The following SORCS2 variants were observed in gnomAD, a reference collection of about 807,000 sequenced individuals.
SORCS2 encodes the protein sortilin related VPS10 domain containing receptor 2, also known as VPS10 domain-containing receptor SorCS2.
In SORCS2, 100 loss-of-function variants were observed where a neutral mutation model predicts 141.6. The observed-to-expected ratio is 0.71, with a 90% CI of 0.60 to 0.83. SORCS2 has a LOEUF of 0.83. Ranked by LOEUF, SORCS2 falls within the 40% of genes least tolerant of loss-of-function variation. SORCS2 has a pLI of 0.00. For missense variants in SORCS2, 1,646 were observed against 1,560.2 expected (o/e 1.05, Z -0.93); for synonymous variants, 789 against 676.9 (o/e 1.17, Z -2.57).
At chr4:7,586,421 C>T (rs1474227038) in intron 3 of SORCS2, among the ~76,000 whole-genome samples, 2 of 152,170 alleles carry the variant, frequency 1.3e-5, no homozygotes, top group Non-Finnish European at 2.9e-5. Context: ...CACAGATGAA[C>T]CCATCACCCA....
intron 2 of SORCS2, among the ~76,000 whole-genome samples, chr4:7,435,541 A>G (rs1232241961): frequency 6.6e-6 from 1 of 152,358 alleles, no homozygotes; most frequent in East Asian, 1.9e-4. Flanking sequence ...GCCACACCGC[A>G]AAAGCCACTT....
intron 5 of SORCS2, among the ~76,000 whole-genome samples, chr4:7,658,676 G>A (rs1286128429): frequency 6.6e-6 from 1 of 152,194 alleles, no homozygotes; most frequent in African/African-American, 2.4e-5. Context: ...ACATATGTGG[G>A]GTCTGTGCCA....
chr4:7,433,624 A>T (rs1204803908), intron 2 of SORCS2: 2 of 1,611,372 alleles, frequency 1.2e-6, no homozygotes, highest in Non-Finnish European at 1.7e-6. Flanking sequence ...GGCCACCAGG[A>T]TGTCTCGCTT....
intron 19 of SORCS2, among the ~76,000 whole-genome samples, 190 bp downstream of exon 19, chr4:7,724,073 C>A (rs1726793364): frequency 6.6e-6 from 1 of 151,306 alleles, no homozygotes; most frequent in African/African-American, 2.4e-5. Context: ...AATAGTAGGG[C>A]AGAGCTGGTA....
chr4:7,560,663 G>C (rs1189475191), intron 3 of SORCS2, among the ~76,000 whole-genome samples: 1 of 152,122 alleles, frequency 6.6e-6, no homozygotes, highest in African/African-American at 2.4e-5. Context: ...TGGGTACATG[G>C]GGCTCAGATG....
At chr4:7,620,828 G>A (rs977758067) in intron 3 of SORCS2, among the ~76,000 whole-genome samples, 1 of 152,206 alleles carries the variant, frequency 6.6e-6, no homozygotes, top group Non-Finnish European at 1.5e-5. Context: ...GGTCTCCCCT[G>A]CACTCAGGGC....
chr4:7,434,264 C>T lies in SORCS2; in HGVS notation c.548+37909C>T, dbSNP rs777470605. The T allele has an allele frequency of 8.3e-5, 134 of 1,613,192 alleles. No individual in the cohort carries two copies. Among genetic ancestry groups the T allele is most frequent in the Non-Finnish European group, 8.9e-5 (105 of 1,179,838 alleles). On this transcript the variant is annotated intron_variant, in intron 2 of 26. Transcript: ENST00000507866. ...TCACACTGCTCCTGGATGTTCAAGT[C>T]GGCCAAGGTCAAGTTGGACCGGACA...
intron 8 of SORCS2, among the ~76,000 whole-genome samples, chr4:7,674,466 G>A (rs924487029): frequency 2.8e-4 from 42 of 151,822 alleles, no homozygotes; most frequent in Non-Finnish European, 4.1e-4. Flanking sequence ...CCAGCTACTC[G>A]GGAGGCTGAG....
At chr4:7,211,078 G>T (rs904065649) in intron 1 of SORCS2, among the ~76,000 whole-genome samples, 1 of 152,172 alleles carries the variant, frequency 6.6e-6, no homozygotes, top group African/African-American at 2.4e-5. Context: ...AGAAATTTTT[G>T]CATTTTTGCA....
At chr4:7,210,378 C>A (rs180767144) in intron 1 of SORCS2, among the ~76,000 whole-genome samples, 34 of 152,354 alleles carry the variant, frequency 2.2e-4, no homozygotes, top group Admixed American at 2.6e-4. Flanking sequence ...AACCCCTGGG[C>A]TCACGCCCTC....
intron 2 of SORCS2, among the ~76,000 whole-genome samples, chr4:7,477,802 G>C (rs1730395190): frequency 6.6e-6 from 1 of 152,224 alleles, no homozygotes; most frequent in Admixed American, 6.5e-5. Flanking sequence ...AAATGAGTGA[G>C]ACAAGCGTGG....
chr4:7,268,317 T>TG (rs1306363330), intron 1 of SORCS2, among the ~76,000 whole-genome samples: 131 of 152,248 alleles, frequency 8.6e-4, no homozygotes, highest in African/African-American at 2.9e-3. Context: ...CCCTTTACCT[T>TG]AGTGGGGAGC....
At chr4:7,433,089 T>G (rs1207376007) in intron 2 of SORCS2, 6 of 387,740 alleles carry the variant, frequency 1.5e-5, no homozygotes, top group South Asian at 2.7e-4. Context: ...GCGGGGCACA[T>G]GAGTGTGTTC....
chr4:7,356,640 T>G (rs1721268596), intron 1 of SORCS2, among the ~76,000 whole-genome samples: 1 of 152,190 alleles, frequency 6.6e-6, no homozygotes, highest in South Asian at 2.1e-4. Flanking sequence ...ACACTGGGAA[T>G]TAGGATTTCA....
chr4:7,654,519 TC>T (rs1721637637), intron 5 of SORCS2, among the ~76,000 whole-genome samples: 1 of 152,130 alleles, frequency 6.6e-6, no homozygotes, highest in Non-Finnish European at 1.5e-5. Flanking sequence ...TGCTGTTCCC[TC>T]CCCGAGCCTC....
intron 1 of SORCS2, among the ~76,000 whole-genome samples, chr4:7,199,650 G>A (rs746615774): frequency 2.0e-5 from 3 of 151,138 alleles, no homozygotes; most frequent in Admixed American, 1.3e-4. Flanking sequence ...GGGGAGCTGC[G>A]TAGACCCGCT....
intron 9 of SORCS2, among the ~76,000 whole-genome samples, chr4:7,679,945 C>T (rs1365984821): frequency 6.6e-6 from 1 of 152,174 alleles, no homozygotes; most frequent in African/African-American, 2.4e-5. Flanking sequence ...TATAAAATGG[C>T]AGTTACCCAA....
chr4:7,420,765 G>T (rs1418522904), intron 2 of SORCS2, among the ~76,000 whole-genome samples: 1 of 152,172 alleles, frequency 6.6e-6, no homozygotes, highest in African/African-American at 2.4e-5. Flanking sequence ...CGGTCCTGAG[G>T]CTTCTTCTTA....
In SORCS2 at chr4:7,324,876, C is replaced by T. The variant is rs146073916; in HGVS notation, c.481-71412C>T. Among the ~76,000 whole-genome samples the T allele has an allele frequency of 2.0e-4, 30 of 152,286 alleles. No homozygotes were observed. In the East Asian group the frequency reaches 3.5e-3, roughly 18 times the overall value. ...AGGGCGGTTTTGTCACTTCCCCAGT[C>T]GATGCTGCTGGTGGCAGCGTGGGGT... is the stretch of plus-strand genomic sequence containing the variant. On this transcript the variant is annotated intron_variant, in intron 1 of 26. Coordinates refer to ENST00000507866, the MANE Select transcript of SORCS2 (RefSeq NM_020777.3).
Sources: gnomAD v4.1 joint callset for allele counts (sites outside exome capture counted in the v4.1 genomes callset) on GRCh38, gnomAD v4.1.1 for gene constraint, MANE v1.5 for transcripts, NCBI Gene and HGNC (gene_info 2026-07-23, HGNC 2026-07-21) for gene names.